DLG2: variants seen among roughly 807,000 people sequenced by gnomAD.
DLG2 encodes the protein discs large MAGUK scaffold protein 2.
DLG2 carries 45 observed loss-of-function variants against 132.5 expected under a neutral mutation model. The observed-to-expected ratio is 0.34, with a 90% CI of 0.27 to 0.44. DLG2 has a LOEUF of 0.44. Ranked by LOEUF, DLG2 falls within the 20% of genes least tolerant of loss-of-function variation. DLG2 has a pLI of 1.00. For synonymous variants in DLG2, 424 were observed against 419.6 expected (o/e 1.01, Z -0.13); for missense variants, 1,045 against 1,196.9 (o/e 0.87, Z 1.87).
At chr11:83,965,867 T>A (rs2090068380) in intron 12 of DLG2, among the ~76,000 whole-genome samples, 1 of 152,004 alleles carries the variant, frequency 6.6e-6, no homozygotes, top group South Asian at 2.1e-4. Flanking sequence ...TTAAACAATT[T>A]TGACTTTATT....
intron 7 of DLG2, among the ~76,000 whole-genome samples, chr11:84,340,574 C>T (rs1184400264): frequency 6.6e-6 from 1 of 152,112 alleles, no homozygotes; most frequent in South Asian, 2.1e-4. Context: ...TTTTACAGAT[C>T]AGTTTTACCA....
At chr11:85,152,739 T>TA (rs1405849734) in intron 5 of DLG2, among the ~76,000 whole-genome samples, 2 of 152,228 alleles carry the variant, frequency 1.3e-5, no homozygotes, top group Non-Finnish European at 2.9e-5. Flanking sequence ...AGTTATGACT[T>TA]ACTCTTACAC....
At chr11:85,259,300 T>C (rs2076823701) in intron 4 of DLG2, among the ~76,000 whole-genome samples, 2 of 152,160 alleles carry the variant, frequency 1.3e-5, no homozygotes, top group Admixed American at 1.3e-4. Flanking sequence ...TGAAGATGCA[T>C]CTGCTTCCCC....
At chr11:85,378,014 T>C (rs1484198789) in intron 3 of DLG2, among the ~76,000 whole-genome samples, 2 of 152,038 alleles carry the variant, frequency 1.3e-5, no homozygotes, top group African/African-American at 4.8e-5. Context: ...TATAACCAGC[T>C]GTTCCCACAT....
chr11:83,739,811 C>G (rs946493104), intron 18 of DLG2, among the ~76,000 whole-genome samples: 2 of 152,030 alleles, frequency 1.3e-5, no homozygotes, highest in African/African-American at 4.8e-5. Context: ...GTATGGAGTT[C>G]CTTGGATTCT....
At chr11:83,981,062 A>G (rs931572157) in intron 11 of DLG2, among the ~76,000 whole-genome samples, 1 of 152,204 alleles carries the variant, frequency 6.6e-6, no homozygotes, top group East Asian at 1.9e-4. Context: ...AGCATAGAGA[A>G]CAGAAGTACT....
rs536547276 is a variant in DLG2 at position 85,514,331 on chromosome 11, T to C, written c.40+84326A>G. 3.9e-5 allele frequency among the ~76,000 whole-genome samples: 6 copies of C among 152,142 alleles called. No homozygotes were observed. In the South Asian group the frequency reaches 1.0e-3, roughly 26 times the overall value. ...TGGTGGATGTGAAACAGAGCCCAGA[T>C]ACACCTAGGTTTAAAGAGTCAGAGA... is the stretch of plus-strand genomic sequence containing the variant. On this transcript the variant is annotated intron_variant, in intron 3 of 27. Transcript: ENST00000376104.
chr11:84,554,023 T>C (rs142179929), intron 6 of DLG2, among the ~76,000 whole-genome samples: 3 of 152,334 alleles, frequency 2.0e-5, no homozygotes, highest in African/African-American at 7.2e-5. Context: ...GCACATTCTC[T>C]ATTCATCACA....
intron 19 of DLG2, among the ~76,000 whole-genome samples, chr11:83,577,876 TAATATA>T (rs1336600258): frequency 8.1e-6 from 1 of 124,108 alleles, no homozygotes; most frequent in Non-Finnish European, 1.6e-5. Context: ...TAAATATATA[TAATATA>T]AATATATAAA....
At chr11:84,528,568 T>C (rs1374824359) in intron 7 of DLG2, among the ~76,000 whole-genome samples, 1 of 152,234 alleles carries the variant, frequency 6.6e-6, no homozygotes, top group Non-Finnish European at 1.5e-5. Context: ...AGGCATGCCA[T>C]ATGTAAATTC....
At chr11:84,510,417 A>T (rs572819647) in intron 7 of DLG2, among the ~76,000 whole-genome samples, 2 of 152,258 alleles carry the variant, frequency 1.3e-5, no homozygotes. Context: ...TGAAAGCGCC[A>T]GAAATTCCTA....
At chr11:84,153,215 C>T (rs1357477459) in intron 9 of DLG2, among the ~76,000 whole-genome samples, 1 of 152,176 alleles carries the variant, frequency 6.6e-6, no homozygotes, top group African/African-American at 2.4e-5. Flanking sequence ...CTGCTGTTAG[C>T]TTGATGAAAT....
At chr11:85,402,206 G>A (rs1419270496) in intron 3 of DLG2, among the ~76,000 whole-genome samples, 1 of 151,706 alleles carries the variant, frequency 6.6e-6, no homozygotes, top group African/African-American at 2.4e-5. Context: ...CATCCATCTG[G>A]TCCTTGACAA....
At chr11:83,676,183 T>C (rs1281998375) in intron 18 of DLG2, among the ~76,000 whole-genome samples, 1 of 152,222 alleles carries the variant, frequency 6.6e-6, no homozygotes, top group Non-Finnish European at 1.5e-5. Flanking sequence ...AAGTGAATTC[T>C]AGGAATCATT....
At chr11:84,121,995 T>C (rs1250017717) in intron 9 of DLG2, among the ~76,000 whole-genome samples, 1 of 152,098 alleles carries the variant, frequency 6.6e-6, no homozygotes, top group Non-Finnish European at 1.5e-5. Flanking sequence ...AGTGGTCACT[T>C]GGCTTTCTCA....
At chr11:84,972,055 A>AG (rs923530656) in intron 6 of DLG2, among the ~76,000 whole-genome samples, 2 of 151,978 alleles carry the variant, frequency 1.3e-5, no homozygotes, top group Non-Finnish European at 2.9e-5. Flanking sequence ...TATGACTCAG[A>AG]GGGGGGGAAA....
At chr11:84,205,928 A>G (rs1038471035) in intron 8 of DLG2, among the ~76,000 whole-genome samples, 4 of 152,168 alleles carry the variant, frequency 2.6e-5, no homozygotes, top group African/African-American at 9.6e-5. Flanking sequence ...TGAAGTTGAT[A>G]AACACCTAAT....
At position 84,879,904 on chromosome 11, in the gene DLG2, C is replaced by T. The variant is rs141139112; in HGVS notation, c.357+231757G>A. Among the ~76,000 whole-genome samples, 581 of 152,200 alleles carry T rather than the reference C, an allele frequency of 3.8e-3. 3 individuals carry two copies. The highest frequency in any genetic ancestry group is 0.014 in the African/African-American group (567 of 41,548). ...ATTCTGGCACTTAAATAGACAAAAACGCAGCCTAGCATAATTTATACTAAC... is the reference window on the plus strand; with the variant it reads ...ATTCTGGCACTTAAATAGACAAAAATGCAGCCTAGCATAATTTATACTAAC... On this transcript the variant is annotated intron_variant, in intron 6 of 27. Transcript: ENST00000376104.
rs543644367 is a variant in DLG2, at chr11:84,358,684, A to T, written c.520-107393T>A. Among the ~76,000 whole-genome samples the T allele has an allele frequency of 2.0e-5, 3 of 151,998 alleles. No individual in the cohort carries two copies. In the East Asian group the frequency reaches 5.8e-4, roughly 30 times the overall value. ...GAAGAGGTGAGACATAGTGTCAGGA[A>T]ATGTTCTGTTCCAGCTCCCACAAAT... On this transcript the variant is annotated intron_variant, in intron 7 of 27. Transcript: ENST00000376104.
Sources: gnomAD v4.1 joint callset for allele counts (sites outside exome capture counted in the v4.1 genomes callset) on GRCh38, gnomAD v4.1.1 for gene constraint, MANE v1.5 for transcripts, NCBI Gene and HGNC (gene_info 2026-07-23, HGNC 2026-07-21) for gene names.